ELF1: variants seen among roughly 807,000 people sequenced by gnomAD.
ELF1 encodes E74 like ETS transcription factor 1.
ELF1 carries 24 observed loss-of-function variants against 59.9 expected under a neutral mutation model. That is an observed-to-expected ratio of 0.40 (90% CI 0.29 to 0.56). The LOEUF (loss-of-function observed/expected upper bound fraction) is 0.56, where lower values mean the gene tolerates loss of function less well. Ranked by LOEUF, ELF1 falls within the 20% of genes least tolerant of loss-of-function variation. ELF1 has a pLI of 0.44. For synonymous variants in ELF1, 248 were observed against 266.2 expected, an observed-to-expected ratio of 0.93 and a Z score of 0.67; for missense variants, 627 against 742.2, an observed-to-expected ratio of 0.84 and a Z score of 1.80.
chr13:41,061,034 C>G (rs910183645), exon 1 of ELF1: 1 of 206,096 alleles, frequency 4.9e-6, no homozygotes, highest in Non-Finnish European at 1.0e-5. Flanking sequence ...GGGGCCGCTC[C>G]GCTGCAACAG....
At chr13:41,043,629 T>C (rs939315833) in intron 1 of ELF1, among the ~76,000 whole-genome samples, 8 of 152,222 alleles carry the variant, frequency 5.3e-5, no homozygotes, top group Non-Finnish European at 1.0e-4. Context: ...TGTGGTGTTA[T>C]TTCTGAGGGC....
chr13:40,991,170 G>C (rs572433826), intron 1 of ELF1, among the ~76,000 whole-genome samples: 1 of 152,274 alleles, frequency 6.6e-6, no homozygotes, highest in African/African-American at 2.4e-5. Context: ...GAAGCTTTCA[G>C]AACTGTCACA....
At chr13:40,937,504 C>T (rs1460633950) in intron 8 of ELF1, among the ~76,000 whole-genome samples, 1 of 152,220 alleles carries the variant, frequency 6.6e-6, no homozygotes, top group Non-Finnish European at 1.5e-5. Flanking sequence ...GAGTCTCACC[C>T]TGTCACTTGG....
chr13:41,056,340 T>A (rs1877286731), intron 1 of ELF1, among the ~76,000 whole-genome samples: 1 of 152,230 alleles, frequency 6.6e-6, no homozygotes, highest in Non-Finnish European at 1.5e-5. Flanking sequence ...TCCCAAATAT[T>A]CCACTGTGTG....
chr13:41,047,037 A>G (rs1876877285), intron 1 of ELF1, among the ~76,000 whole-genome samples: 1 of 152,128 alleles, frequency 6.6e-6, no homozygotes, highest in East Asian at 1.9e-4. Flanking sequence ...TTGATCTTCA[A>G]TCACTGATAC....
At chr13:41,049,036 T>G (rs903718685) in intron 1 of ELF1, among the ~76,000 whole-genome samples, 3 of 152,178 alleles carry the variant, frequency 2.0e-5, no homozygotes, top group African/African-American at 7.2e-5. Context: ...TTTAAACACT[T>G]CTTTGGCTTC....
chr13:41,060,073 A>T (rs2138446883), intron 1 of ELF1, among the ~76,000 whole-genome samples: 1 of 152,270 alleles, frequency 6.6e-6, no homozygotes, highest in African/African-American at 2.4e-5. Context: ...AGCGCCCCTT[A>T]AGTCAAGTTG....
chr13:41,000,658 A>T (rs1874381991), intron 1 of ELF1, among the ~76,000 whole-genome samples: 1 of 152,214 alleles, frequency 6.6e-6, no homozygotes, highest in Non-Finnish European at 1.5e-5. Context: ...ATAAAGACAC[A>T]TCCAGGAATT....
At chr13:41,025,625 G>A (rs578023701) in intron 1 of ELF1, among the ~76,000 whole-genome samples, 1 of 152,182 alleles carries the variant, frequency 6.6e-6, no homozygotes, top group Admixed American at 6.5e-5. Flanking sequence ...TGATTTGAGG[G>A]ACTCTTTGTC....
At chr13:40,988,516 A>G (rs1172692100) in intron 1 of ELF1, among the ~76,000 whole-genome samples, 1 of 152,258 alleles carries the variant, frequency 6.6e-6, no homozygotes, top group Non-Finnish European at 1.5e-5. Context: ...ATGCTTTTAT[A>G]TATTATGCAA....
intron 3 of ELF1, among the ~76,000 whole-genome samples, chr13:40,954,541 C>A (rs889360249): frequency 2.0e-5 from 3 of 151,708 alleles, no homozygotes; most frequent in Non-Finnish European, 4.4e-5. Flanking sequence ...TCACTGCAAC[C>A]TCCCTGCCTG....
chr13:41,021,029 C>T (rs191321778), upstream of ELF1, among the ~76,000 whole-genome samples: 2 of 152,056 alleles, frequency 1.3e-5, no homozygotes, highest in East Asian at 3.9e-4. Flanking sequence ...AGATATGAAG[C>T]CATTATATAA....
intron 1 of ELF1, among the ~76,000 whole-genome samples, chr13:41,053,954 A>C (rs979792814): frequency 6.6e-6 from 1 of 152,208 alleles, no homozygotes; most frequent in Non-Finnish European, 1.5e-5. Flanking sequence ...CGAGGCAAGA[A>C]GGCCACTTTC....
At chr13:41,039,327 TC>T (rs1876513417) in intron 1 of ELF1, among the ~76,000 whole-genome samples, 2 of 122,764 alleles carry the variant, frequency 1.6e-5, no homozygotes, top group African/African-American at 2.8e-5. Flanking sequence ...TGACAAAAAG[TC>T]CTTTTTTTAA....
chr13:40,994,458 C>T (rs758037580), intron 1 of ELF1, among the ~76,000 whole-genome samples: 3 of 152,136 alleles, frequency 2.0e-5, no homozygotes, highest in Non-Finnish European at 4.4e-5. Flanking sequence ...GCCTGGCCTA[C>T]ATGGTGAAAC....
chr13:40,945,909 T>C (rs1406508741), intron 5 of ELF1, among the ~76,000 whole-genome samples: 1 of 152,234 alleles, frequency 6.6e-6, no homozygotes, highest in East Asian at 1.9e-4. Context: ...AATGGTGCGA[T>C]CTTGGCTCAC....
intron 1 of ELF1, among the ~76,000 whole-genome samples, chr13:40,996,951 A>G (rs1680982009): frequency 6.6e-6 from 1 of 151,382 alleles, no homozygotes; most frequent in South Asian, 2.1e-4. Flanking sequence ...AATATATACT[A>G]CCTCTTTCCA....
At chr13:41,000,695 A>G (rs939429970) in intron 1 of ELF1, among the ~76,000 whole-genome samples, 2 of 152,158 alleles carry the variant, frequency 1.3e-5, no homozygotes, top group African/African-American at 4.8e-5. Flanking sequence ...AGGTTTATTT[A>G]TATTATTATT....
chr13:41,053,248 T>C (rs969419964), intron 1 of ELF1, among the ~76,000 whole-genome samples: 2 of 151,356 alleles, frequency 1.3e-5, no homozygotes, highest in African/African-American at 4.9e-5. Flanking sequence ...CAGCTACTCA[T>C]GAGGCTGAGG....
Sources: allele counts gnomAD v4.1 joint callset (sites outside exome capture counted in the v4.1 genomes callset), GRCh38; gene constraint gnomAD v4.1.1; transcripts MANE v1.5; gene names NCBI Gene and HGNC (gene_info 2026-07-23, HGNC 2026-07-21).